Variants in SHC2 observed in about 807,000 individuals in gnomAD.
SHC2 encodes SHC-transforming protein 2.
A neutral mutation model predicts 60.6 loss-of-function variants in SHC2; 62 were observed. The ratio of observed to expected loss-of-function variants is 1.02; its 90% CI spans 0.83 to 1.26. The LOEUF is 1.26. Among genes scored for constraint, SHC2 ranks in the 50% most tolerant of loss-of-function variants. The pLI, the probability that SHC2 is intolerant of heterozygous loss-of-function variation, is 0.00. For synonymous variants in SHC2, 375 were observed against 372.4 expected (o/e 1.01, Z -0.08); for missense variants, 873 against 822.2 (o/e 1.06, Z -0.76).
intron 1 of SHC2, among the ~76,000 whole-genome samples, chr19:442,779 A>G (rs978243759): frequency 1.8e-4 from 12 of 65,296 alleles, no homozygotes; most frequent in East Asian, 5.2e-4. Flanking sequence ...GGATGGATGG[A>G]TGGATGGGTG....
intron 9 of SHC2, among the ~76,000 whole-genome samples, chr19:428,915 C>T (rs1156278158): frequency 6.7e-6 from 1 of 148,506 alleles, no homozygotes; most frequent in African/African-American, 2.5e-5. Context: ...TCCCAACATG[C>T]ACGGAAACCT....
At position 438,616 on chromosome 19, in the gene SHC2, C is replaced by T. The variant is rs1244507433; in HGVS notation, c.720+102G>A. On this transcript the variant is annotated intron_variant, in intron 4 of 12. Coordinates refer to ENST00000264554, the MANE Select transcript of SHC2 (RefSeq NM_012435.3). The surrounding 1 kb of genome is among the most constrained non-coding windows in gnomAD (Gnocchi z 5.0). The stretch of plus-strand genomic sequence containing the variant: ...GCCTCGGCTCGTCTTTCTGGATAAA[C>T]GCCACCTGCTGCCCGCCCCCAGCAC... 35 of 1,346,012 alleles carry T rather than the reference C, an allele frequency of 2.6e-5. 1 individual carries two copies. Among genetic ancestry groups the T allele is most frequent in the South Asian group, 1.9e-4 (14 of 72,406 alleles). 83.4% of individuals were successfully genotyped at this position (1,346,012 alleles called of 1,614,324 possible). A position where few individuals can be genotyped will look rare whatever the true frequency, so the allele number is the denominator to read the frequency against.
At chr19:460,475 G>C (rs12980271) in intron 1 of SHC2, 54 bp downstream of exon 1, 483,154 of 884,172 alleles carry the variant, frequency 0.55, 142,893 homozygotes, top group East Asian at 0.59. Context: ...AGGAGAGGGT[G>C]GGGGAGGGGA....
At chr19:418,044 C>G (rs1974192638) in intron 12 of SHC2, among the ~76,000 whole-genome samples, 1 of 152,184 alleles carries the variant, frequency 6.6e-6, no homozygotes, top group Non-Finnish European at 1.5e-5. Context: ...TCTCCTGCCC[C>G]AACCTCACCC....
intron 1 of SHC2, among the ~76,000 whole-genome samples, chr19:451,944 G>A (rs1047765596): frequency 1.3e-5 from 2 of 152,186 alleles, no homozygotes. Flanking sequence ...CACTATTTTA[G>A]AAGCCAAATC....
Position 425,386 on chromosome 19 carries a change from C to T in SHC2, c.1175-155G>A, listed in dbSNP as rs956401318. On this transcript the variant is annotated intron_variant, in intron 9 of 12. Transcript: ENST00000264554. This position sits in a 1 kb window ranked among gnomAD's most constrained non-coding sequence, Gnocchi z 4.1. ...TCTGGTCTCCCTGTGGTAACCCGCC[C>T]GTCTGCAGGTGCCACAGGGAGCATC... is the stretch of plus-strand genomic sequence containing the variant. 2.6e-5 allele frequency among the ~76,000 whole-genome samples: 4 copies of T among 152,212 alleles called. No homozygotes were observed. The highest frequency in any genetic ancestry group is 7.2e-5 in the African/African-American group (3 of 41,460).
rs1226639544 is a variant in SHC2 at position 434,881 on chromosome 19, C to G, written c.954-16G>C. 16 of 1,606,142 alleles carry G rather than the reference C, an allele frequency of 1.0e-5. No homozygotes were observed. Among genetic ancestry groups the G allele is most frequent in the Non-Finnish European group, 1.4e-5 (16 of 1,178,902 alleles). On this transcript the variant is annotated splice_polypyrimidine_tract_variant and intron_variant, in intron 7 of 12. Transcript: ENST00000264554. ...CCCTGCCAGCCTGGGGGACAGACAACAACGGCCATGGCACAGGCAGGGCCC... is the reference window on the plus strand; with the variant it reads ...CCCTGCCAGCCTGGGGGACAGACAAGAACGGCCATGGCACAGGCAGGGCCC...
chr19:429,722 G>A (rs1974520788), intron 9 of SHC2, among the ~76,000 whole-genome samples: 1 of 145,462 alleles, frequency 6.9e-6, no homozygotes, highest in Admixed American at 6.9e-5. Context: ...ACACCGTGTG[G>A]ATGACGCAGT....
chr19:455,200 G>A (rs78772157), intron 1 of SHC2, among the ~76,000 whole-genome samples: 2,749 of 152,258 alleles, frequency 0.018, 98 homozygotes, highest in African/African-American at 0.063. Context: ...CAGAGCCGCC[G>A]ACCCCGGGTT....
rs764376112 is a variant in SHC2 at position 419,049 on chromosome 19, G to C, written c.1628C>G (p.Thr543Arg). Residue 543 changes from threonine (T) to arginine (R), a missense_variant, in exon 12 of 13, where the codon ACG (threonine) becomes AGG (arginine). Coordinates refer to ENST00000264554, the MANE Select transcript of SHC2 (RefSeq NM_012435.3). ...GATGCTCTCAAACAGCACGTCCTTC[G>C]TCCGTACCTGCGGGACAGAGACCTC... ...LLVDPEGVVRTKDVLFESISH... is the reference protein window; with the variant it reads ...LLVDPEGVVRRKDVLFESISH... The C allele has an allele frequency of 6.3e-7, 1 of 1,581,734 alleles. No individual in the cohort carries two copies. The highest frequency in any genetic ancestry group is 1.2e-5 in the South Asian group (1 of 86,380).
intron 9 of SHC2, among the ~76,000 whole-genome samples, chr19:426,068 G>C (rs937725266): frequency 6.6e-6 from 1 of 151,316 alleles, no homozygotes; most frequent in Non-Finnish European, 1.5e-5. Flanking sequence ...GGTTCAAACC[G>C]GAACAGCATC....
chr19:455,540 T>C (rs1975322096), intron 1 of SHC2, among the ~76,000 whole-genome samples: 1 of 152,166 alleles, frequency 6.6e-6, no homozygotes, highest in Admixed American at 6.5e-5. Flanking sequence ...CCAACTTCTC[T>C]CCCACACACC....
Position 419,045 on chromosome 19 carries a change from C to T in SHC2, c.1632G>A (p.Lys544=). ...LVDPEGVVRT[K]DVLFESISHL... ...GGCTGATGCTCTCAAACAGCACGTC[C>T]TTCGTCCGTACCTGCGGGACAGAGA... Residue 544 remains lysine, a synonymous_variant, in exon 12 of 13, where the codon AAG becomes AAA. Transcript: ENST00000264554. 1 of 1,583,574 alleles carries T rather than the reference C, an allele frequency of 6.3e-7. No individual in the cohort carries two copies. The highest frequency in any genetic ancestry group is 8.6e-7 in the Non-Finnish European group (1 of 1,164,916).
At position 453,438 on chromosome 19, in the gene SHC2, G is replaced by A. The variant is rs1975249718; in HGVS notation, c.468+7091C>T. Among the ~76,000 whole-genome samples, 1 of 152,066 alleles carries A rather than the reference G, an allele frequency of 6.6e-6. No homozygotes were observed. The highest frequency in any genetic ancestry group is 2.4e-5 in the African/African-American group (1 of 41,420). Reference sequence around the variant, plus strand: ...GTGTGCACCACCCTGCCTGGCTAATGTTTTTTCTTTTTTGGTAGAGACAGG... The same window carrying A: ...GTGTGCACCACCCTGCCTGGCTAATATTTTTTCTTTTTTGGTAGAGACAGG... On this transcript the variant is annotated intron_variant, in intron 1 of 12. Transcript: ENST00000264554. The surrounding 1 kb of genome is among the most constrained non-coding windows in gnomAD (Gnocchi z 6.3).
chr19:419,785 G>T (rs1231349187), intron 11 of SHC2: 4 of 151,810 alleles, frequency 2.6e-5, no homozygotes, highest in Admixed American at 6.5e-5. Context: ...CTGCATTTTT[G>T]AACGAGACCC....
At position 434,783 on chromosome 19, in the gene SHC2, C is replaced by T; in HGVS notation, c.1036G>A (p.Glu346Lys). ...TCCACTAGCCCGCCCAGCGGCGGCT[C>T]CTTCCCCGGGATGCTGTTGTAGTAA... ...HNYYNSIPGK[E>K]PPLGGLVDSR... The change falls in exon 8 of 13, where the codon GAG becomes AAG. Residue 346 changes from glutamate (E) to lysine (K), a missense_variant. Glu to Lys is a moderately conservative substitution (Grantham distance 56). Transcript: ENST00000264554. 6.2e-7 allele frequency: 1 copy of T among 1,612,894 alleles called. No homozygotes were observed. The highest frequency in any genetic ancestry group is 8.5e-7 in the Non-Finnish European group (1 of 1,179,826).
intron 9 of SHC2, among the ~76,000 whole-genome samples, chr19:429,817 G>A (rs1228996825): frequency 2.0e-5 from 3 of 148,970 alleles, no homozygotes; most frequent in Admixed American, 1.3e-4. Flanking sequence ...CTCATACCGT[G>A]TGGATGACAC....
Position 418,791 on chromosome 19 carries a change from G to C in SHC2, c.*5+132C>G, listed in dbSNP as rs138646294. 40 of 1,007,244 alleles carry C rather than the reference G, an allele frequency of 4.0e-5. No individual in the cohort carries two copies. The East Asian group carries it at 1.1e-3, about 28-fold the overall frequency. The allele number at this position is 1,007,244 out of a possible 1,614,324, so 62.4% of individuals were successfully genotyped here. On this transcript the variant is annotated intron_variant, in intron 12 of 12. Coordinates refer to ENST00000264554, the MANE Select transcript of SHC2 (RefSeq NM_012435.3). The stretch of plus-strand genomic sequence containing the variant: ...TTCGACAGAGATGGTTGCACGGCTC[G>C]GATGCTGAACACCCCTGAGTCGTGC...
chr19:441,197 G>T lies in SHC2; in HGVS notation c.469-265C>A, dbSNP rs1974857342. On this transcript the variant is annotated intron_variant, in intron 1 of 12. Transcript: ENST00000264554. The surrounding 1 kb of genome is among the most constrained non-coding windows in gnomAD (Gnocchi z 4.9). ...GTGGTTCCCCCAGACGCTCTATGCT[G>T]CTTGTTCATTTAACCGTCTTGCCCT... is the stretch of plus-strand genomic sequence containing the variant. The T allele has an allele frequency of 4.1e-6, 4 of 981,820 alleles. No individual in the cohort carries two copies. The highest frequency in any genetic ancestry group is 4.8e-6 in the Non-Finnish European group (4 of 827,630). The allele number at this position is 981,820 out of a possible 1,614,324, so 60.8% of individuals were successfully genotyped here. A position where few individuals can be genotyped will look rare whatever the true frequency, so the allele number is the denominator to read the frequency against.
Sources: gnomAD v4.1 joint callset for allele counts (sites outside exome capture counted in the v4.1 genomes callset) on GRCh38, gnomAD v4.1.1 for gene constraint, Gnocchi (gnomAD v3.1) non-coding constraint, MANE v1.5 for transcripts, NCBI Gene and HGNC (gene_info 2026-07-23, HGNC 2026-07-21) for gene names.